NICOL1: variants seen among roughly 807,000 people sequenced by gnomAD.
NICOL1 encodes NELL2 interacting cell ontogeny regulator 1, also known as NELL2-interacting cell ontogeny regulator 1.
At chr4:2,042,392 CG>C in the NICOL1 span, 1 of 505,322 alleles carries the variant, frequency 2.0e-6, no homozygotes, top group Non-Finnish European at 3.5e-6. Context: ...ATGTCACCGC[CG>C]CCGCCGCCGC....
the NICOL1 span, among the ~76,000 whole-genome samples, chr4:2,037,332 G>T: frequency 3.3e-5 from 5 of 152,294 alleles, no homozygotes; most frequent in East Asian, 1.9e-4. Context: ...TGCCTCCAGT[G>T]ATCAACCTGC....
the NICOL1 span, among the ~76,000 whole-genome samples, chr4:2,043,565 G>A: frequency 6.6e-6 from 1 of 152,220 alleles, no homozygotes. Flanking sequence ...TTAGGCATGA[G>A]GGTGGCAGGG....
chr4:2,041,678 C>T, the NICOL1 span: 2 of 317,698 alleles, frequency 6.3e-6, no homozygotes, highest in Non-Finnish European at 5.8e-6. Flanking sequence ...CCCCGCGCCT[C>T]GCGAGCATCG....
the NICOL1 span, chr4:2,041,983 G>T: frequency 1.8e-5 from 26 of 1,457,272 alleles, no homozygotes; most frequent in Admixed American, 3.1e-5. Flanking sequence ...GGGCGGGGTC[G>T]GGTCGGAGCG....
At chr4:2,042,152 C>T in the NICOL1 span, 2 of 1,336,834 alleles carry the variant, frequency 1.5e-6, no homozygotes, top group Non-Finnish European at 1.9e-6. Flanking sequence ...CGGAGACCGG[C>T]GGACTGGAGT....
the NICOL1 span, chr4:2,041,877 C>T: frequency 8.8e-7 from 1 of 1,135,988 alleles, no homozygotes; most frequent in Non-Finnish European, 1.2e-6. Context: ...CGGCCAGGGC[C>T]AGGCACACCC....
chr4:2,043,009 C>G, the NICOL1 span, among the ~76,000 whole-genome samples: 1 of 152,178 alleles, frequency 6.6e-6, no homozygotes, highest in Non-Finnish European at 1.5e-5. Flanking sequence ...ACCTGTCTCA[C>G]CTATGAGACG....
At chr4:2,041,959 C>G in the NICOL1 span, 16 of 1,452,696 alleles carry the variant, frequency 1.1e-5, no homozygotes, top group South Asian at 4.1e-5. Flanking sequence ...ACGACGACGT[C>G]GGATGGGGAA....
At chr4:2,037,787 T>C in the NICOL1 span, among the ~76,000 whole-genome samples, 3 of 151,850 alleles carry the variant, frequency 2.0e-5, no homozygotes, top group African/African-American at 2.4e-5. Flanking sequence ...AGATAAAAAA[T>C]TGAAACAAAT....
At chr4:2,041,808 A>T in the NICOL1 span, 1 of 557,206 alleles carries the variant, frequency 1.8e-6, no homozygotes, top group Non-Finnish European at 2.9e-6. Flanking sequence ...CGCCTCCTCC[A>T]GGCAGTCCTC....
chr4:2,037,029 C>T, the NICOL1 span, among the ~76,000 whole-genome samples: 3 of 152,066 alleles, frequency 2.0e-5, no homozygotes, highest in Admixed American at 6.6e-5. Flanking sequence ...GATTGGATCA[C>T]GGAGGCCGAC....
the NICOL1 span, among the ~76,000 whole-genome samples, chr4:2,040,790 C>G: frequency 1.3e-5 from 2 of 152,196 alleles, no homozygotes; most frequent in African/African-American, 4.8e-5. Context: ...CGAAGCCCGG[C>G]GTCGGCCCAA....
the NICOL1 span, chr4:2,043,781 G>A: frequency 8.2e-7 from 1 of 1,221,662 alleles, no homozygotes; most frequent in Non-Finnish European, 1.2e-6. Context: ...TGGAGATAGG[G>A]CTGCCTTGGG....
At chr4:2,042,219 T>C in the NICOL1 span, 5 of 1,042,566 alleles carry the variant, frequency 4.8e-6, no homozygotes, top group South Asian at 5.9e-5. Flanking sequence ...GGTCCAGGGC[T>C]CCCAGGCCTG....
At chr4:2,042,631 G>A in the NICOL1 span, 76 of 601,054 alleles carry the variant, frequency 1.3e-4, no homozygotes, top group Non-Finnish European at 1.8e-4. Flanking sequence ...CTTGGGGAGT[G>A]GGGACGTGCG....
chr4:2,041,509 C>T, the NICOL1 span, among the ~76,000 whole-genome samples: 908 of 152,212 alleles, frequency 6.0e-3, 8 homozygotes, highest in African/African-American at 0.021. Flanking sequence ...TGGTGCCCAC[C>T]CTGACGCCCG....
the NICOL1 span, among the ~76,000 whole-genome samples, chr4:2,039,049 A>AT: frequency 3.3e-5 from 5 of 152,134 alleles, no homozygotes; most frequent in South Asian, 2.1e-4. Flanking sequence ...GTGCAAATTC[A>AT]TTTTTTTTAA....
chr4:2,041,153 G>GGGC, the NICOL1 span, among the ~76,000 whole-genome samples: 1 of 149,268 alleles, frequency 6.7e-6, no homozygotes, highest in Admixed American at 6.6e-5. Flanking sequence ...GGTGGGGTGG[G>GGGC]GGGGGAGCGG....
At chr4:2,042,061 G>T in the NICOL1 span, 1 of 1,478,356 alleles carries the variant, frequency 6.8e-7, no homozygotes, top group Non-Finnish European at 8.9e-7. Context: ...CGGGGTCCCT[G>T]AACCGCGGTA....
Sources: gnomAD v4.1 joint callset for allele counts (sites outside exome capture counted in the v4.1 genomes callset) on GRCh38, gnomAD v4.1.1 for gene constraint, MANE v1.5 for transcripts, NCBI Gene and HGNC (gene_info 2026-07-23, HGNC 2026-07-21) for gene names.